MYOCD: variants seen among roughly 807,000 people sequenced by gnomAD.
MYOCD encodes the protein myocardin.
MYOCD carries 32 observed loss-of-function variants against 96.1 expected under a neutral mutation model. The ratio of observed to expected loss-of-function variants is 0.33; its 90% CI spans 0.25 to 0.45. The LOEUF is 0.45. Among genes scored for constraint, MYOCD ranks in the 20% least tolerant of loss-of-function variants. The probability of loss-of-function intolerance (pLI) is 1.00; values close to 1 mark genes in which losing one functional copy is unlikely to be tolerated. For missense variants in MYOCD, 1,133 were observed against 1,200.6 expected (o/e 0.94, Z 0.83); for synonymous variants, 469 against 469.0 (o/e 1.00, Z 0.00).
chr17:12,730,448 A>G (rs1312252916), intron 5 of MYOCD, among the ~76,000 whole-genome samples: 2 of 132,894 alleles, frequency 1.5e-5, no homozygotes, highest in African/African-American at 6.5e-5. Flanking sequence ...CTCCATCTCA[A>G]AAAAAAAAAA....
intron 1 of MYOCD, among the ~76,000 whole-genome samples, chr17:12,696,927 G>A (rs1338321097): frequency 3.9e-5 from 6 of 152,174 alleles, no homozygotes; most frequent in Admixed American, 1.3e-4. Flanking sequence ...TGAGCCAGGA[G>A]CTAGTTTCAG....
At chr17:12,756,330 A>G (rs1455835845) in intron 10 of MYOCD, 84 bp from the exon 11 acceptor site, 2 of 1,459,732 alleles carry the variant, frequency 1.4e-6, no homozygotes, top group Non-Finnish European at 1.9e-6. Context: ...CAGGGGACAC[A>G]GGGCAGGAAC....
intron 10 of MYOCD, 26 bp from the exon 11 acceptor site, chr17:12,756,388 G>GT (rs1366541803): frequency 6.4e-7 from 1 of 1,552,008 alleles, no homozygotes; most frequent in South Asian, 1.2e-5. Flanking sequence ...TGCTGGCCAT[G>GT]TAATTTGTCA....
chr17:12,718,288 A>G lies in MYOCD; in HGVS notation c.253+867A>G, dbSNP rs531351203. 8.5e-5 allele frequency among the ~76,000 whole-genome samples: 13 copies of G among 152,178 alleles called. No homozygotes were observed. The South Asian group carries it at 2.7e-3, about 32-fold the overall frequency. On this transcript the variant is annotated intron_variant, in intron 4 of 13. Coordinates refer to ENST00000425538, the MANE Select transcript of MYOCD (RefSeq NM_001146312.3). ...AGGAAATGCCTGGTGTGGTGGGTGT[A>G]TGGAAGAGGATCAAAGAAAAGAGCC... is the stretch of plus-strand genomic sequence containing the variant.
rs1236528414 is a variant in MYOCD at position 12,760,568 on chromosome 17, C to A, written c.2332-82C>A. The A allele has an allele frequency of 3.5e-6, 4 of 1,155,834 alleles. No individual in the cohort carries two copies. In the African/African-American group the frequency reaches 4.5e-5, roughly 13 times the overall value. The allele number at this position is 1,155,834 out of a possible 1,614,324, so 71.6% of individuals were successfully genotyped here. A position where few individuals can be genotyped will look rare whatever the true frequency, so the allele number is the denominator to read the frequency against. Reference sequence around the variant, plus strand: ...ACCTTGACCAAACCTAGTTCAAAATCTTGCAGTGCTGCTTCTAATGATTTC... The same window carrying A: ...ACCTTGACCAAACCTAGTTCAAAATATTGCAGTGCTGCTTCTAATGATTTC... On this transcript the variant is annotated intron_variant, in intron 12 of 13. Coordinates refer to ENST00000425538, the MANE Select transcript of MYOCD (RefSeq NM_001146312.3).
At chr17:12,717,293 T>C (rs2031676361) in intron 3 of MYOCD, 53 bp from the exon 4 acceptor site, 7 of 1,293,884 alleles carry the variant, frequency 5.4e-6, no homozygotes, top group East Asian at 2.3e-5. Flanking sequence ...GTGAGATAAA[T>C]TGAGTTTTTT....
intron 1 of MYOCD, among the ~76,000 whole-genome samples, chr17:12,676,151 G>C (rs747636133): frequency 1.4e-4 from 22 of 151,840 alleles, no homozygotes; most frequent in Non-Finnish European, 2.8e-4. Flanking sequence ...TTTAGAGGAC[G>C]TGGACACTAA....
At chr17:12,682,352 C>A (rs1910520338) in intron 1 of MYOCD, among the ~76,000 whole-genome samples, 1 of 152,184 alleles carries the variant, frequency 6.6e-6, no homozygotes, top group Non-Finnish European at 1.5e-5. Flanking sequence ...CTGGAGGAGA[C>A]CAGAAGCCTC....
intron 7 of MYOCD, among the ~76,000 whole-genome samples, chr17:12,739,928 T>TTTTTTC (rs1255643943): frequency 1.3e-5 from 2 of 152,068 alleles, no homozygotes. Context: ...AGTGGTGATT[T>TTTTTTC]TTTTTCTTTT....
In MYOCD at chr17:12,666,196, T is replaced by C; in HGVS notation, c.8T>C (p.Leu3Pro). 1 of 1,613,764 alleles carries C rather than the reference T, an allele frequency of 6.2e-7. No homozygotes were observed. Among genetic ancestry groups the C allele is most frequent in the Non-Finnish European group, 8.5e-7 (1 of 1,179,716 alleles). The part of the protein sequence containing the change: MT[L>P]LGSEHSLLIR... The stretch of plus-strand genomic sequence containing the variant: ...GGCTTGCTGAGACTCAACATGACAC[T>C]CCTGGGGTCTGAGCATTCCTTGCTG... The change falls in exon 1 of 14, where the codon CTC becomes CCC. Residue 3 changes from leucine to proline, a missense_variant. Transcript: ENST00000425538.
rs1484513971 is a variant in MYOCD at position 12,752,541 on chromosome 17, T to C, written c.1253T>C (p.Ile418Thr). Residue 418 changes from isoleucine (I) to threonine (T), a missense_variant, in exon 10 of 14, where the codon ATA (isoleucine) becomes ACA (threonine). Coordinates refer to ENST00000425538, the MANE Select transcript of MYOCD (RefSeq NM_001146312.3). ...SGNPVPNFGD[I>T]TTVTFPVTPN... Reference sequence around the variant, plus strand: ...AACCCAGTGCCGAACTTTGGGGATATAACGACTGTCACTTTTCCTGTCACA... The same window carrying C: ...AACCCAGTGCCGAACTTTGGGGATACAACGACTGTCACTTTTCCTGTCACA... The C allele has an allele frequency of 6.8e-6, 11 of 1,614,096 alleles. No individual in the cohort carries two copies. The highest frequency in any genetic ancestry group is 9.3e-6 in the Non-Finnish European group (11 of 1,180,024).
chr17:12,700,288 G>T (rs1006359136), intron 1 of MYOCD, among the ~76,000 whole-genome samples: 1 of 150,216 alleles, frequency 6.7e-6, no homozygotes. Context: ...TAATATTTTC[G>T]TCTTTTGTTT....
intron 1 of MYOCD, among the ~76,000 whole-genome samples, chr17:12,687,850 AT>A (rs1015231124): frequency 1.2e-4 from 19 of 152,206 alleles, no homozygotes; most frequent in African/African-American, 4.6e-4. Context: ...AAGAAAATCA[AT>A]CACATTTGAA....
chr17:12,754,285 G>C lies in MYOCD; in HGVS notation c.2058+939G>C, dbSNP rs904745268. On this transcript the variant is annotated intron_variant, in intron 10 of 13. Coordinates refer to ENST00000425538, the MANE Select transcript of MYOCD (RefSeq NM_001146312.3). ...ATGCCTGGCTATTTTTGTATTTTTA[G>C]TAGAGACAGAGTTTCACCATGTTGG... Among the ~76,000 whole-genome samples the C allele has an allele frequency of 5.9e-5, 9 of 152,234 alleles. No individual in the cohort carries two copies. The South Asian group carries it at 1.9e-3, about 32-fold the overall frequency.
At chr17:12,676,864 A>G (rs566302185) in intron 1 of MYOCD, among the ~76,000 whole-genome samples, 1 of 152,322 alleles carries the variant, frequency 6.6e-6, no homozygotes, top group Non-Finnish European at 1.5e-5. Flanking sequence ...ACTCGAGTGC[A>G]TGCTTTTAAG....
chr17:12,757,449 C>T (rs2033043876), intron 11 of MYOCD, among the ~76,000 whole-genome samples: 1 of 152,104 alleles, frequency 6.6e-6, no homozygotes, highest in African/African-American at 2.4e-5. Context: ...AATAAATGAC[C>T]TGTGGGGTAG....
Position 12,688,415 on chromosome 17 carries a change from AT to A in MYOCD, c.56-16712del, listed in dbSNP as rs541799406. On this transcript the variant is annotated intron_variant, in intron 1 of 13. Coordinates refer to ENST00000425538, the MANE Select transcript of MYOCD (RefSeq NM_001146312.3). Reference sequence around the variant, plus strand: ...TACAGCAAATCGTTTATGTAAAAAAATGTTTAGTTTTTTCCTTCCTTTCCTT... The same window carrying A: ...TACAGCAAATCGTTTATGTAAAAAAAGTTTAGTTTTTTCCTTCCTTTCCTT... Among the ~76,000 whole-genome samples the A allele has an allele frequency of 1.1e-4, 17 of 152,330 alleles. No homozygotes were observed. In the South Asian group the frequency reaches 1.9e-3, roughly 17 times the overall value.
chr17:12,768,906 AAAAT>A lies in MYOCD; in HGVS notation c.*5263_*5266del, dbSNP rs2033411200. On this transcript the variant is annotated 3_prime_UTR_variant, in exon 14 of 14. Transcript: ENST00000425538. Reference sequence around the variant, plus strand: ...ATGTGTTCTTTTTTAAAAAAAAAAAAAAATGCATATATTTTTAAATAAAATGTTT... The same window carrying A: ...ATGTGTTCTTTTTTAAAAAAAAAAAAGCATATATTTTTAAATAAAATGTTT... The A allele has an allele frequency of 6.6e-6, 1 of 151,950 alleles. No individual in the cohort carries two copies. Among genetic ancestry groups the A allele is most frequent in the Admixed American group, 6.5e-5 (1 of 15,284 alleles). The allele number at this position is 151,950 out of a possible 1,614,324, so 9.4% of individuals were successfully genotyped here.
intron 1 of MYOCD, among the ~76,000 whole-genome samples, chr17:12,681,065 A>G (rs1910433640): frequency 6.6e-6 from 1 of 152,226 alleles, no homozygotes. Context: ...TGAAGGAGCT[A>G]TCTCAAAATC....
Sources: gnomAD v4.1 joint callset for allele counts (sites outside exome capture counted in the v4.1 genomes callset) on GRCh38, gnomAD v4.1.1 for gene constraint, MANE v1.5 for transcripts, NCBI Gene and HGNC (gene_info 2026-07-23, HGNC 2026-07-21) for gene names.